Variants in ATP2B2 observed in about 807,000 individuals in gnomAD.
ATP2B2 encodes the protein plasma membrane calcium-transporting ATPase 2.
In ATP2B2, 15 loss-of-function variants were observed where a neutral mutation model predicts 120.0. The ratio of observed to expected loss-of-function variants is 0.12; its 90% CI spans 0.08 to 0.19. ATP2B2 has a LOEUF of 0.19. Ranked by LOEUF, ATP2B2 falls within the 10% of genes least tolerant of loss-of-function variation. ATP2B2 has a pLI of 1.00. For missense variants in ATP2B2, 1,045 were observed against 1,719.8 expected (o/e 0.61, Z 6.94); for synonymous variants, 694 against 700.3 (o/e 0.99, Z 0.14).
At chr3:10,596,782 G>A (rs375561327) in intron 2 of ATP2B2, among the ~76,000 whole-genome samples, 1 of 152,204 alleles carries the variant, frequency 6.6e-6, no homozygotes, top group Non-Finnish European at 1.5e-5. Flanking sequence ...AAACTCTACA[G>A]CCAGCTGCCA....
intron 2 of ATP2B2, among the ~76,000 whole-genome samples, chr3:10,437,830 G>A (rs1182947969): frequency 2.6e-5 from 4 of 152,164 alleles, no homozygotes; most frequent in Non-Finnish European, 5.9e-5. Flanking sequence ...GGCCATTAGG[G>A]TGGGCCTAAT....
chr3:10,404,734 C>T (rs990613066), intron 3 of ATP2B2, among the ~76,000 whole-genome samples: 4 of 152,140 alleles, frequency 2.6e-5, no homozygotes, highest in African/African-American at 9.7e-5. Flanking sequence ...CCTGTACCAC[C>T]ATGAATGACA....
intron 1 of ATP2B2, among the ~76,000 whole-genome samples, chr3:10,468,576 A>T: frequency 6.6e-6 from 1 of 152,226 alleles, no homozygotes; most frequent in East Asian, 1.9e-4. Context: ...AGTTCATCAT[A>T]GTGCAGCCTC....
chr3:10,411,599 T>C (rs1034937790), intron 2 of ATP2B2, among the ~76,000 whole-genome samples: 12 of 152,208 alleles, frequency 7.9e-5, no homozygotes, highest in African/African-American at 2.9e-4. Flanking sequence ...GTAATGCGGA[T>C]GGTGATTGTA....
At chr3:10,509,182 G>A (rs1022356476), upstream of ATP2B2, among the ~76,000 whole-genome samples, 4 of 152,190 alleles carry the variant, frequency 2.6e-5, no homozygotes, top group Non-Finnish European at 4.4e-5. Context: ...GTAGGTCCAG[G>A]CAGGTCTGAG....
chr3:10,593,316 G>A (rs2068687099), intron 2 of ATP2B2, among the ~76,000 whole-genome samples: 1 of 152,194 alleles, frequency 6.6e-6, no homozygotes. Flanking sequence ...TGAGTCTTAG[G>A]GTGGTTAAGT....
chr3:10,345,268 G>T lies in ATP2B2; in HGVS notation c.2703+116C>A, dbSNP rs76054755. 8.8e-4 allele frequency: 1,064 copies of T among 1,208,654 alleles called. 8 individuals carry two copies. In the African/African-American group the frequency reaches 0.012, roughly 14 times the overall value. 74.9% of individuals were successfully genotyped at this position (1,208,654 alleles called of 1,614,324 possible). A position where few individuals can be genotyped will look rare whatever the true frequency, so the allele number is the denominator to read the frequency against. On this transcript the variant is annotated intron_variant, in intron 18 of 22. Transcript: ENST00000360273. ...CCCCCAGCAGGTGCTCCATCGATGG[G>T]TGCCTCATCCCCGGCTGTTCTGACA...
At chr3:10,390,930 A>C (rs1203313184) in intron 5 of ATP2B2, among the ~76,000 whole-genome samples, 1 of 152,182 alleles carries the variant, frequency 6.6e-6, no homozygotes, top group Non-Finnish European at 1.5e-5. Context: ...CTTGCTGACA[A>C]GATGCCTCCG....
chr3:10,664,723 A>G (rs1464570999), intron 1 of ATP2B2, among the ~76,000 whole-genome samples: 5 of 152,188 alleles, frequency 3.3e-5, no homozygotes, highest in Admixed American at 1.3e-4. Context: ...TTGGAAACAC[A>G]AGAGCAAGGT....
intron 3 of ATP2B2, among the ~76,000 whole-genome samples, chr3:10,511,836 G>A (rs1418025770): frequency 6.6e-6 from 1 of 152,194 alleles, no homozygotes; most frequent in East Asian, 1.9e-4. Flanking sequence ...ACCTCTCACT[G>A]AATGTGAGGT....
chr3:10,493,831 A>C (rs1272685851), intron 1 of ATP2B2, among the ~76,000 whole-genome samples: 2 of 152,228 alleles, frequency 1.3e-5, no homozygotes, highest in Non-Finnish European at 2.9e-5. Flanking sequence ...AGAGAGGGGC[A>C]GGAAGGCCCT....
upstream of ATP2B2, among the ~76,000 whole-genome samples, chr3:10,509,295 C>G (rs190755816): frequency 3.8e-3 from 581 of 152,240 alleles, 3 homozygotes; most frequent in South Asian, 0.015. Flanking sequence ...GAGGGCTACC[C>G]CTGCCCTTGC....
In ATP2B2 at chr3:10,638,950, C is replaced by G. The variant is rs1289637727; in HGVS notation, c.-459-18989G>C. On this transcript the variant is annotated intron_variant, in intron 1 of 21. Transcript: ENST00000646379. The stretch of plus-strand genomic sequence containing the variant: ...GCATCTAATAAGGCAGCTTAAAATG[C>G]ATGACGCAAATATTGATGGAAAACA... 4.6e-5 allele frequency among the ~76,000 whole-genome samples: 7 copies of G among 152,172 alleles called. No individual in the cohort carries two copies. In the East Asian group the frequency reaches 1.2e-3, roughly 25 times the overall value.
At chr3:10,657,362 C>T (rs189881627) in intron 1 of ATP2B2, among the ~76,000 whole-genome samples, 2 of 152,246 alleles carry the variant, frequency 1.3e-5, no homozygotes, top group Admixed American at 6.5e-5. Flanking sequence ...CACCACCCAC[C>T]CTCATGTCTA....
intron 12 of ATP2B2, among the ~76,000 whole-genome samples, chr3:10,366,908 A>C (rs1204415984): frequency 2.0e-5 from 3 of 152,230 alleles, no homozygotes; most frequent in Admixed American, 6.5e-5. Flanking sequence ...CTTCCCTCAG[A>C]GGGCAAGTTT....
At chr3:10,362,961 T>A (rs1411233857) in intron 12 of ATP2B2, among the ~76,000 whole-genome samples, 1 of 152,154 alleles carries the variant, frequency 6.6e-6, no homozygotes. Flanking sequence ...TCCATAACAG[T>A]TTTTTCTCCC....
chr3:10,636,906 G>C (rs2070037408), intron 1 of ATP2B2, among the ~76,000 whole-genome samples: 1 of 152,170 alleles, frequency 6.6e-6, no homozygotes, highest in Admixed American at 6.5e-5. Context: ...TGCTAATCAG[G>C]GCCTGTGTGT....
intron 1 of ATP2B2, among the ~76,000 whole-genome samples, chr3:10,472,484 C>T (rs2065052805): frequency 6.6e-6 from 1 of 152,202 alleles, no homozygotes; most frequent in Admixed American, 6.5e-5. Context: ...TGGCATAGCT[C>T]CTGAGGCTTG....
At position 10,358,844 on chromosome 3, in the gene ATP2B2, A is replaced by T. The variant is rs200255705; in HGVS notation, c.1983T>A (p.Ile661=). The T allele has an allele frequency of 6.2e-7, 1 of 1,614,216 alleles. No individual in the cohort carries two copies. Residue 661 remains isoleucine, a synonymous_variant, in exon 14 of 23, where the codon ATT becomes ATA. Coordinates refer to ENST00000360273, the MANE Select transcript of ATP2B2 (RefSeq NM_001001331.4). ...RDRDEMVKKV[I]EPMACDGLRT... Reference sequence around the variant, plus strand: ...GGAGCCCATCGCAAGCCATGGGCTCAATCACCTTCTTTACCATCTCGTCCC... The same window carrying T: ...GGAGCCCATCGCAAGCCATGGGCTCTATCACCTTCTTTACCATCTCGTCCC...
Sources: gnomAD v4.1 joint callset for allele counts (sites outside exome capture counted in the v4.1 genomes callset) on GRCh38, gnomAD v4.1.1 for gene constraint, MANE v1.5 for transcripts, NCBI Gene and HGNC (gene_info 2026-07-23, HGNC 2026-07-21) for gene names.